ROBO1: variants seen among roughly 807,000 people sequenced by gnomAD.
ROBO1 encodes the protein roundabout homolog 1.
A neutral mutation model predicts 195.9 loss-of-function variants in ROBO1; 149 were observed. That is an observed-to-expected ratio of 0.76 (90% CI 0.67 to 0.87). The LOEUF (loss-of-function observed/expected upper bound fraction) is 0.87. Ranked by LOEUF, ROBO1 falls within the 40% of genes least tolerant of loss-of-function variation. The pLI is 0.00. For missense variants in ROBO1, 1,933 were observed against 2,068.3 expected, an observed-to-expected ratio of 0.93 and a Z score of 1.27; for synonymous variants, 816 against 733.2, an observed-to-expected ratio of 1.11 and a Z score of -1.82.
intron 1 of ROBO1, among the ~76,000 whole-genome samples, chr3:79,704,137 A>T (rs1947698896): frequency 6.6e-6 from 1 of 151,982 alleles, no homozygotes; most frequent in Non-Finnish European, 1.5e-5. Context: ...TACCCACTGT[A>T]CACAGGCATA....
At chr3:79,115,957 C>G (rs2079985766) in intron 3 of ROBO1, among the ~76,000 whole-genome samples, 1 of 152,050 alleles carries the variant, frequency 6.6e-6, no homozygotes, top group Admixed American at 6.5e-5. Flanking sequence ...GTATAATGAC[C>G]AGCCAAAATA....
chr3:79,599,513 A>G (rs9837046), intron 1 of ROBO1, among the ~76,000 whole-genome samples: 21,757 of 151,986 alleles, frequency 0.14, 2,232 homozygotes, highest in African/African-American at 0.29. Flanking sequence ...TGTTATATCC[A>G]CAGGGCATGA....
At chr3:78,750,801 T>C (rs370951285) in intron 4 of ROBO1, among the ~76,000 whole-genome samples, 12 of 152,146 alleles carry the variant, frequency 7.9e-5, no homozygotes, top group African/African-American at 2.4e-4. Context: ...CATTACAGAA[T>C]GGGCAGAGAT....
At chr3:78,726,103 C>T (rs1027041097) in intron 5 of ROBO1, among the ~76,000 whole-genome samples, 1 of 152,078 alleles carries the variant, frequency 6.6e-6, no homozygotes, top group African/African-American at 2.4e-5. Flanking sequence ...AACAAAACCG[C>T]TAATTATATT....
chr3:79,532,937 G>A (rs1941717327), intron 2 of ROBO1: 1 of 240,032 alleles, frequency 4.2e-6, no homozygotes, highest in Non-Finnish European at 8.5e-6. Context: ...CATGTTTAGG[G>A]GACTGTCAAT....
intron 2 of ROBO1, among the ~76,000 whole-genome samples, chr3:79,269,547 G>A (rs1252301912): frequency 6.6e-6 from 1 of 151,662 alleles, no homozygotes; most frequent in Non-Finnish European, 1.5e-5. Context: ...AGTCAATAAT[G>A]TAATGATACT....
chr3:78,718,932 A>G (rs1442914514), intron 5 of ROBO1, among the ~76,000 whole-genome samples: 2 of 149,830 alleles, frequency 1.3e-5, no homozygotes, highest in Admixed American at 6.7e-5. Flanking sequence ...CATTTTTTTC[A>G]TAATACATTA....
chr3:79,221,980 T>C (rs1382454749), intron 2 of ROBO1, among the ~76,000 whole-genome samples: 1 of 152,034 alleles, frequency 6.6e-6, no homozygotes, highest in South Asian at 2.1e-4. Flanking sequence ...ATCTTTCTTA[T>C]AAAATCAAAG....
At chr3:79,085,702 T>C (rs930028995) in intron 3 of ROBO1, among the ~76,000 whole-genome samples, 3 of 152,036 alleles carry the variant, frequency 2.0e-5, no homozygotes, top group African/African-American at 4.8e-5. Context: ...AATTCTACTT[T>C]TGTGTCTAGG....
At chr3:79,646,861 T>A (rs932105846) in intron 1 of ROBO1, among the ~76,000 whole-genome samples, 5 of 151,936 alleles carry the variant, frequency 3.3e-5, no homozygotes, top group Admixed American at 6.6e-5. Flanking sequence ...AAAGAGCAGA[T>A]CCCATAAAGA....
At chr3:79,021,335 AG>A (rs2078096656) in intron 3 of ROBO1, among the ~76,000 whole-genome samples, 2 of 152,348 alleles carry the variant, frequency 1.3e-5, no homozygotes, top group Admixed American at 1.3e-4. Context: ...CAAACACTAA[AG>A]TGTAGTACTT....
chr3:79,475,145 T>C (rs1465888948), intron 2 of ROBO1, among the ~76,000 whole-genome samples: 2 of 151,626 alleles, frequency 1.3e-5, no homozygotes, highest in Non-Finnish European at 2.9e-5. Context: ...CAATTGCTTT[T>C]TTTTTAAAAA....
intron 2 of ROBO1, among the ~76,000 whole-genome samples, chr3:79,309,091 G>C (rs2033361091): frequency 6.6e-6 from 1 of 152,102 alleles, no homozygotes; most frequent in South Asian, 2.1e-4. Context: ...TTATTAATTA[G>C]TAAGCAGAGT....
chr3:79,240,531 G>A (rs549809793), intron 2 of ROBO1, among the ~76,000 whole-genome samples: 4 of 152,186 alleles, frequency 2.6e-5, no homozygotes, highest in Admixed American at 2.0e-4. Flanking sequence ...TTGAAAACTG[G>A]GGGAAAGAAA....
At chr3:78,857,527 A>G (rs2034528755) in intron 4 of ROBO1, among the ~76,000 whole-genome samples, 1 of 152,166 alleles carries the variant, frequency 6.6e-6, no homozygotes, top group South Asian at 2.1e-4. Flanking sequence ...AAACAGACTT[A>G]AAGAAGTTAA....
rs560449717 is a variant in ROBO1, at chr3:79,112,389, C to T, written c.172+13067G>A. 1.3e-4 allele frequency among the ~76,000 whole-genome samples: 20 copies of T among 152,150 alleles called. No homozygotes were observed. In the East Asian group the frequency reaches 1.6e-3, roughly 12 times the overall value. ...TGGCTAGGGTGAGTTAGGAAGTAAC[C>T]GCCACTGAAATCAGTCCTTGATTTC... On this transcript the variant is annotated intron_variant, in intron 3 of 30. Transcript: ENST00000464233.
chr3:79,209,962 T>C (rs546135875), intron 2 of ROBO1, among the ~76,000 whole-genome samples: 2 of 151,802 alleles, frequency 1.3e-5, no homozygotes, highest in South Asian at 4.1e-4. Context: ...CAAAAACAAA[T>C]ACAAACAAAC....
At chr3:78,830,301 G>A (rs2032039314) in intron 4 of ROBO1, among the ~76,000 whole-genome samples, 1 of 152,078 alleles carries the variant, frequency 6.6e-6, no homozygotes, top group Non-Finnish European at 1.5e-5. Flanking sequence ...TTTCATCACT[G>A]ACCATATTAC....
intron 8 of ROBO1, among the ~76,000 whole-genome samples, chr3:78,690,225 T>G (rs932219508): frequency 1.3e-5 from 2 of 151,458 alleles, no homozygotes; most frequent in African/African-American, 2.4e-5. Flanking sequence ...GGGGCAAAAT[T>G]GAAGAAAGTA....
Sources: gnomAD v4.1 joint callset for allele counts (sites outside exome capture counted in the v4.1 genomes callset) on GRCh38, gnomAD v4.1.1 for gene constraint, MANE v1.5 for transcripts, NCBI Gene and HGNC (gene_info 2026-07-23, HGNC 2026-07-21) for gene names.